Variants in OSBPL5 observed in about 807,000 individuals in gnomAD.
OSBPL5 encodes oxysterol-binding protein-related protein 5.
Under a neutral mutation model 111.2 loss-of-function variants are expected in OSBPL5, and 71 were observed. The observed-to-expected ratio is 0.64, with a 90% CI of 0.53 to 0.78. OSBPL5 has a LOEUF of 0.78. Among genes scored for constraint, OSBPL5 ranks in the 30% least tolerant of loss-of-function variants. The probability of loss-of-function intolerance (pLI) is 0.00; values close to 1 mark genes in which losing one functional copy is unlikely to be tolerated. For missense variants in OSBPL5, 1,210 were observed against 1,189.3 expected (o/e 1.02, Z -0.26); for synonymous variants, 549 against 513.9 (o/e 1.07, Z -0.93).
rs1376742262 is a variant in OSBPL5 at position 3,113,328 on chromosome 11, T to C, written c.692-5383A>G. On this transcript the variant is annotated intron_variant, in intron 7 of 21. Transcript: ENST00000263650. This position sits in a 1 kb window ranked among gnomAD's most constrained non-coding sequence, Gnocchi z 4.8. ...TACCATGAGGTGTCAAAATTTGGCA[T>C]AGGAGTTACGAAACTATAAACCCAG... Among the ~76,000 whole-genome samples the C allele has an allele frequency of 4.6e-5, 7 of 151,870 alleles. No homozygotes were observed. Among genetic ancestry groups the C allele is most frequent in the Middle Eastern group, 6.8e-3 (2 of 292 alleles).
intron 19 of OSBPL5, among the ~76,000 whole-genome samples, chr11:3,090,978 T>C (rs1857036771): frequency 6.6e-6 from 1 of 152,230 alleles, no homozygotes; most frequent in Non-Finnish European, 1.5e-5. Context: ...GCCTGCCCTG[T>C]GCTCACCATG....
At chr11:3,122,195 G>T in intron 4 of OSBPL5, 97 bp from the exon 5 acceptor site, 1 of 1,377,022 alleles carries the variant, frequency 7.3e-7, no homozygotes, top group Non-Finnish European at 1.0e-6. Context: ...AGGGGCAGGG[G>T]CAGGAGAGGA....
Position 3,135,476 on chromosome 11 carries a change from T to TGGGCAAGGAGGTGGATGCCCAGGC in OSBPL5, c.-21-6331_-21-6308dup, listed in dbSNP as rs368702254. On this transcript the variant is annotated intron_variant, in intron 1 of 21. Coordinates refer to ENST00000263650, the MANE Select transcript of OSBPL5 (RefSeq NM_020896.4). ...AGAGGCCACTCCTGAGGCCCTCCTC[T>TGGGCAAGGAGGTGGATGCCCAGGC]GGGCAAGGAGGTGGATGCCCAGGCA... is the stretch of plus-strand genomic sequence containing the variant. Among the ~76,000 whole-genome samples, 381 of 152,296 alleles carry TGGGCAAGGAGGTGGATGCCCAGGC rather than the reference T, an allele frequency of 2.5e-3. 4 individuals carry two copies. The highest frequency in any genetic ancestry group is 9.0e-3 in the African/African-American group (373 of 41,556).
At chr11:3,135,920 G>C (rs1845936401) in intron 1 of OSBPL5, among the ~76,000 whole-genome samples, 2 of 152,192 alleles carry the variant, frequency 1.3e-5, no homozygotes, top group Admixed American at 1.3e-4. Flanking sequence ...CTCTGACTCT[G>C]GGCTGACCAC....
intron 1 of OSBPL5, among the ~76,000 whole-genome samples, chr11:3,133,349 G>C (rs1845863082): frequency 6.6e-6 from 1 of 152,246 alleles, no homozygotes; most frequent in African/African-American, 2.4e-5. Flanking sequence ...AGACACGCTG[G>C]CTGAGGCAGC....
chr11:3,133,253 T>C (rs370267042), intron 1 of OSBPL5, among the ~76,000 whole-genome samples: 56 of 152,332 alleles, frequency 3.7e-4, no homozygotes, highest in African/African-American at 1.3e-3. Flanking sequence ...AGCTGAAGGC[T>C]GGGAGCCCCA....
chr11:3,112,847 T>C (rs1285705251), intron 7 of OSBPL5, among the ~76,000 whole-genome samples: 3 of 152,268 alleles, frequency 2.0e-5, no homozygotes, highest in Non-Finnish European at 2.9e-5. Flanking sequence ...ATTTTGCTAT[T>C]TGATTTTCAC....
At chr11:3,125,901 G>A (rs1282592696) in intron 3 of OSBPL5, among the ~76,000 whole-genome samples, 1 of 152,176 alleles carries the variant, frequency 6.6e-6, no homozygotes, top group East Asian at 1.9e-4. Flanking sequence ...AGAATGGCGT[G>A]AACTTGGGAG....
At chr11:3,123,165 T>C (rs986644643) in intron 3 of OSBPL5, among the ~76,000 whole-genome samples, 11 of 152,034 alleles carry the variant, frequency 7.2e-5, no homozygotes, top group African/African-American at 2.7e-4. Flanking sequence ...TCCCAATATC[T>C]TGGAGGCAGA....
rs930827796 is a variant in OSBPL5, at chr11:3,093,278, C to T, written c.1947-226G>A. On this transcript the variant is annotated intron_variant, in intron 17 of 21. Transcript: ENST00000263650. ...TCCCGCCTGCAGGGACCTCCCTGTG[C>T]ACCTGTTGGTCACTCGCCGGCAGTG... 1.5e-5 allele frequency: 11 copies of T among 747,142 alleles called. No individual in the cohort carries two copies. In the African/African-American group the frequency reaches 1.8e-4, roughly 12 times the overall value. 46.3% of individuals were successfully genotyped at this position (747,142 alleles called of 1,614,324 possible).
In OSBPL5 at chr11:3,087,862, C is replaced by T. The variant is rs1856923511; in HGVS notation, c.*343G>A. On this transcript the variant is annotated 3_prime_UTR_variant, in exon 22 of 22. Transcript: ENST00000263650. ...GTGACTGTCCAGGGCCCCCACAGGCCCTCCCACCCTAAATCCATCCATCCC... is the reference window on the plus strand; with the variant it reads ...GTGACTGTCCAGGGCCCCCACAGGCTCTCCCACCCTAAATCCATCCATCCC... The T allele has an allele frequency of 5.1e-6, 1 of 194,726 alleles. No homozygotes were observed. Among genetic ancestry groups the T allele is most frequent in the African/African-American group, 2.3e-5 (1 of 43,048 alleles). 12.1% of individuals were successfully genotyped at this position (194,726 alleles called of 1,614,324 possible). A position where few individuals can be genotyped will look rare whatever the true frequency, so the allele number is the denominator to read the frequency against.
At chr11:3,139,963 T>A (rs1195587266) in intron 1 of OSBPL5, among the ~76,000 whole-genome samples, 2 of 152,228 alleles carry the variant, frequency 1.3e-5, no homozygotes, top group African/African-American at 4.8e-5. Flanking sequence ...CTGCAGCTCC[T>A]GGCAGGCCTG....
Position 3,127,000 on chromosome 11 carries a change from G to A in OSBPL5, c.137-445C>T, listed in dbSNP as rs779745867. Reference sequence around the variant, plus strand: ...CCTGCGTGCTGGGCTCTTGCTGGGAGGTGGTCAGCCCTGTCTGCCATCCCA... The same window carrying A: ...CCTGCGTGCTGGGCTCTTGCTGGGAAGTGGTCAGCCCTGTCTGCCATCCCA... On this transcript the variant is annotated intron_variant, in intron 2 of 21. Coordinates refer to ENST00000263650, the MANE Select transcript of OSBPL5 (RefSeq NM_020896.4). This position sits in a 1 kb window ranked among gnomAD's most constrained non-coding sequence, Gnocchi z 6.5. 6.6e-4 allele frequency among the ~76,000 whole-genome samples: 100 copies of A among 152,216 alleles called. 7 individuals are homozygous for A. Among genetic ancestry groups the A allele is most frequent in the Non-Finnish European group, 2.1e-4 (14 of 68,038 alleles).
rs1858639277 is a variant in OSBPL5 at position 3,126,658 on chromosome 11, C to A, written c.137-103G>T. 3 of 971,578 alleles carry A rather than the reference C, an allele frequency of 3.1e-6. No individual in the cohort carries two copies. Among genetic ancestry groups the A allele is most frequent in the East Asian group, 5.6e-5 (2 of 35,824 alleles). 60.2% of individuals were successfully genotyped at this position (971,578 alleles called of 1,614,324 possible). ...CAGGCGAAGCGTGGGTGCGGATGAC[C>A]TGGGAGGGGCAGGAAGTCAGCCGGA... is the stretch of plus-strand genomic sequence containing the variant. On this transcript the variant is annotated intron_variant, in intron 2 of 21. Transcript: ENST00000263650. The surrounding 1 kb of genome is among the most constrained non-coding windows in gnomAD (Gnocchi z 6.5).
In OSBPL5 at chr11:3,090,611, G is replaced by A. The variant is rs1857022876; in HGVS notation, c.2345C>T (p.Pro782Leu). Residue 782 changes from proline to leucine, a missense_variant, in exon 20 of 22, where the codon CCT becomes CTT. By Grantham distance (98) the Pro-to-Leu change is moderately conservative (BLOSUM62 -3). Transcript: ENST00000263650. ...SQATESSGSTPESCPELSDEE... is the reference protein window; with the variant it reads ...SQATESSGSTLESCPELSDEE... ...GTCTGAGAGCTCTGGGCAGGACTCAGGCGTGGATCCGCTGCTCTCCGTGGC... is the reference window on the plus strand; with the variant it reads ...GTCTGAGAGCTCTGGGCAGGACTCAAGCGTGGATCCGCTGCTCTCCGTGGC... 6.2e-7 allele frequency: 1 copy of A among 1,613,038 alleles called. No individual in the cohort carries two copies. Among genetic ancestry groups the A allele is most frequent in the Admixed American group, 1.7e-5 (1 of 60,010 alleles).
rs1856899853 is a variant in OSBPL5 at position 3,087,152 on chromosome 11, G to GAAA, written c.*1052_*1053insTTT. On this transcript the variant is annotated 3_prime_UTR_variant, in exon 22 of 22. Coordinates refer to ENST00000263650, the MANE Select transcript of OSBPL5 (RefSeq NM_020896.4). ...TATGTGTCTGTTTATTTCAAGGTGT[G>GAAA]GAACACAGACACATCCCCAGATGGG... The GAAA allele has an allele frequency of 6.6e-6, 1 of 152,482 alleles. No homozygotes were observed. The highest frequency in any genetic ancestry group is 1.9e-4 in the East Asian group (1 of 5,192). 9.4% of individuals were successfully genotyped at this position (152,482 alleles called of 1,614,324 possible). A position where few individuals can be genotyped will look rare whatever the true frequency, so the allele number is the denominator to read the frequency against.
At chr11:3,115,670 G>A (rs1198384801) in intron 7 of OSBPL5, among the ~76,000 whole-genome samples, 1 of 152,180 alleles carries the variant, frequency 6.6e-6, no homozygotes, top group Non-Finnish European at 1.5e-5. Flanking sequence ...ATGGGCCCCT[G>A]TGTCAGATTA....
intron 1 of OSBPL5, among the ~76,000 whole-genome samples, chr11:3,133,381 A>T (rs765433929): frequency 4.6e-5 from 7 of 152,238 alleles, no homozygotes; most frequent in African/African-American, 1.4e-4. Context: ...ATCCCACTCA[A>T]ACTGGGAAAT....
intron 10 of OSBPL5, among the ~76,000 whole-genome samples, chr11:3,103,881 T>TTCCTGCCTGCGC (rs1564830854): frequency 1.2e-4 from 6 of 49,826 alleles, no homozygotes; most frequent in Admixed American, 2.6e-4. Context: ...CCTGCCTCTG[T>TTCCTGCCTGCGC]AGCCCCATTC....
Sources: gnomAD v4.1 joint callset for allele counts (sites outside exome capture counted in the v4.1 genomes callset) on GRCh38, gnomAD v4.1.1 for gene constraint, Gnocchi (gnomAD v3.1) non-coding constraint, MANE v1.5 for transcripts, NCBI Gene and HGNC (gene_info 2026-07-23, HGNC 2026-07-21) for gene names.